Variants in AMBRA1 observed in about 807,000 individuals in gnomAD.
The protein encoded by AMBRA1 is activating molecule in BECN1-regulated autophagy protein 1.
Under a neutral mutation model 125.4 loss-of-function variants are expected in AMBRA1, and 47 were observed. The observed-to-expected ratio is 0.37, with a 90% CI of 0.30 to 0.48. AMBRA1 has a LOEUF of 0.48. AMBRA1 is among the 20% of genes least tolerant of loss of function. The probability of loss-of-function intolerance (pLI) is 0.99; values close to 1 mark genes in which losing one functional copy is unlikely to be tolerated. For missense variants in AMBRA1, 1,331 were observed against 1,693.4 expected (o/e 0.79, Z 3.76); for synonymous variants, 626 against 655.5 (o/e 0.95, Z 0.69).
At chr11:46,478,772 A>G (rs1949933943) in intron 11 of AMBRA1, among the ~76,000 whole-genome samples, 1 of 147,098 alleles carries the variant, frequency 6.8e-6, no homozygotes, top group South Asian at 2.1e-4. Context: ...CTCCTGCCTC[A>G]GCCTCCCGAG....
intron 1 of AMBRA1, chr11:46,591,412 G>A (rs2044590363): frequency 6.6e-6 from 1 of 151,988 alleles, no homozygotes; most frequent in Non-Finnish European, 1.5e-5. Flanking sequence ...TATGATTAAG[G>A]GCCCTTCATT....
In AMBRA1 at chr11:46,494,197, C is replaced by T; in HGVS notation, c.2347G>A (p.Gly783Ser). Residue 783 changes from glycine (G) to serine (S), a missense_variant, in exon 10 of 18, where the codon GGT becomes AGT. By Grantham distance (56) the Gly-to-Ser change is moderately conservative (BLOSUM62 0). Coordinates refer to ENST00000683756, the MANE Select transcript of AMBRA1 (RefSeq NM_001387011.1). Reference protein sequence around the residue: ...DLEFEDFEDNGDRSRHRAPRN... With the variant: ...DLEFEDFEDNSDRSRHRAPRN... The stretch of plus-strand genomic sequence containing the variant: ...GGAGCTCGGTGCCTGGATCTGTCAC[C>T]ATTGTCCCTGAAAAAAATAAAAACA... 1 of 1,599,192 alleles carries T rather than the reference C, an allele frequency of 6.3e-7. No homozygotes were observed. Among genetic ancestry groups the T allele is most frequent in the Middle Eastern group, 1.7e-4 (1 of 6,036 alleles).
Position 46,543,306 on chromosome 11 carries a change from C to T in AMBRA1, c.711G>A (p.Thr237=), listed in dbSNP as rs775404882. The T allele has an allele frequency of 6.2e-7, 1 of 1,613,964 alleles. No homozygotes were observed. Among genetic ancestry groups the T allele is most frequent in the Non-Finnish European group, 8.5e-7 (1 of 1,179,984 alleles). The change falls in exon 7 of 18, where the codon ACG becomes ACA. Residue 237 remains threonine, a synonymous_variant. Coordinates refer to ENST00000683756, the MANE Select transcript of AMBRA1 (RefSeq NM_001387011.1). ...TGTGCAGGAAATTGTGGAGGAGAGG[C>T]GTCCGGCGAACTGGCTGTGATTGCA... ...ALLQSQPVRR[T]PLLHNFLHML... is the part of the protein sequence containing the mutation.
intron 7 of AMBRA1, among the ~76,000 whole-genome samples, chr11:46,515,466 G>C (rs959914608): frequency 6.6e-6 from 1 of 150,726 alleles, no homozygotes. Flanking sequence ...GAGTGAGACT[G>C]CATCTCAAAA....
At chr11:46,526,007 A>G (rs962492035) in intron 7 of AMBRA1, among the ~76,000 whole-genome samples, 2 of 152,034 alleles carry the variant, frequency 1.3e-5, no homozygotes, top group African/African-American at 2.4e-5. Flanking sequence ...GGAGTTCAAG[A>G]CCAGCCTGAC....
intron 1 of AMBRA1, among the ~76,000 whole-genome samples, chr11:46,567,474 C>T (rs1358328090): frequency 3.3e-5 from 5 of 152,152 alleles, no homozygotes; most frequent in African/African-American, 1.2e-4. Context: ...TCAAGCAGTC[C>T]TCTGGCTCAA....
chr11:46,438,438 T>C (rs990866016), intron 12 of AMBRA1, among the ~76,000 whole-genome samples: 2 of 152,202 alleles, frequency 1.3e-5, no homozygotes, highest in African/African-American at 4.8e-5. Context: ...AACAAACACC[T>C]TGTACAAAGA....
At chr11:46,503,047 C>G (rs543654004) in intron 9 of AMBRA1, among the ~76,000 whole-genome samples, 1 of 113,186 alleles carries the variant, frequency 8.8e-6, no homozygotes, top group Non-Finnish European at 1.6e-5. Flanking sequence ...GGTGACAGAG[C>G]GAGACTCTGT....
At chr11:46,490,623 C>G (rs990406163) in intron 11 of AMBRA1, among the ~76,000 whole-genome samples, 2 of 152,136 alleles carry the variant, frequency 1.3e-5, no homozygotes, top group Non-Finnish European at 2.9e-5. Flanking sequence ...GTCACACCCC[C>G]TAAAACTGCA....
At chr11:46,410,478 C>T in intron 15 of AMBRA1, 110 bp from the exon 16 acceptor site, 2 of 928,670 alleles carry the variant, frequency 2.2e-6, no homozygotes, top group Non-Finnish European at 1.7e-6. Context: ...CATCCTTTCT[C>T]TCTCCTGGGG....
At chr11:46,460,513 C>T (rs570492442) in intron 11 of AMBRA1, among the ~76,000 whole-genome samples, 17 of 152,200 alleles carry the variant, frequency 1.1e-4, no homozygotes, top group African/African-American at 4.1e-4. Flanking sequence ...TTAGTAGAGA[C>T]AGGGTTTCAC....
intron 11 of AMBRA1, among the ~76,000 whole-genome samples, chr11:46,462,585 C>T (rs1434515672): frequency 6.6e-6 from 1 of 152,108 alleles, no homozygotes; most frequent in Non-Finnish European, 1.5e-5. Flanking sequence ...CCACTGCTCT[C>T]CAGACCCATC....
chr11:46,405,049 C>T (rs950521274), intron 17 of AMBRA1, among the ~76,000 whole-genome samples: 1 of 152,210 alleles, frequency 6.6e-6, no homozygotes, highest in Non-Finnish European at 1.5e-5. Flanking sequence ...TCCACATGCA[C>T]CAGACATGCC....
chr11:46,543,930 A>G (rs993525177), intron 6 of AMBRA1, 45 bp downstream of exon 6: 7 of 1,476,318 alleles, frequency 4.7e-6, no homozygotes, highest in Non-Finnish European at 6.6e-6. Context: ...AGTTAAGAAA[A>G]GAACTCACAG....
Position 46,397,425 on chromosome 11 carries a change from G to C in AMBRA1, c.*25C>G. On this transcript the variant is annotated 3_prime_UTR_variant, in exon 18 of 18. Coordinates refer to ENST00000683756, the MANE Select transcript of AMBRA1 (RefSeq NM_001387011.1). ...CCGGTTTCTGCTTGGCGGTTCGAGGGGAGGCACCAGTGCAACGTTTGTCTC... is the reference window on the plus strand; with the variant it reads ...CCGGTTTCTGCTTGGCGGTTCGAGGCGAGGCACCAGTGCAACGTTTGTCTC... The C allele has an allele frequency of 6.8e-7, 1 of 1,471,502 alleles. No homozygotes were observed. The highest frequency in any genetic ancestry group is 9.0e-7 in the Non-Finnish European group (1 of 1,108,622). The allele number at this position is 1,471,502 out of a possible 1,614,324, so 91.2% of individuals were successfully genotyped here. A position where few individuals can be genotyped will look rare whatever the true frequency, so the allele number is the denominator to read the frequency against.
chr11:46,430,454 G>A (rs1221764101), intron 14 of AMBRA1, among the ~76,000 whole-genome samples: 1 of 152,150 alleles, frequency 6.6e-6, no homozygotes, highest in African/African-American at 2.4e-5. Flanking sequence ...TCTGATTTTA[G>A]GTCTGAAATG....
chr11:46,452,879 CCA>C (rs1331618167), intron 11 of AMBRA1, among the ~76,000 whole-genome samples: 1 of 151,982 alleles, frequency 6.6e-6, no homozygotes, highest in Middle Eastern at 3.2e-3. Context: ...AGAAAAATGC[CCA>C]AATATATATG....
At chr11:46,421,731 C>G (rs1191219843) in intron 14 of AMBRA1, among the ~76,000 whole-genome samples, 1 of 152,230 alleles carries the variant, frequency 6.6e-6, no homozygotes, top group Non-Finnish European at 1.5e-5. Context: ...AGATGAGAGA[C>G]TATCTGGACA....
chr11:46,410,023 C>G (rs778760722), intron 16 of AMBRA1, among the ~76,000 whole-genome samples: 3 of 152,228 alleles, frequency 2.0e-5, no homozygotes, highest in Non-Finnish European at 4.4e-5. Flanking sequence ...CAAGTGTGCC[C>G]AGGCACCATG....
Sources: gnomAD v4.1 joint callset for allele counts (sites outside exome capture counted in the v4.1 genomes callset) on GRCh38, gnomAD v4.1.1 for gene constraint, MANE v1.5 for transcripts, NCBI Gene and HGNC (gene_info 2026-07-23, HGNC 2026-07-21) for gene names.